Variants in SGSM1 observed in about 807,000 individuals in gnomAD.
The protein encoded by SGSM1 is small G protein signaling modulator 1.
In SGSM1, 73 loss-of-function variants were observed where a neutral mutation model predicts 133.8. That is an observed-to-expected ratio of 0.55 (90% CI 0.45 to 0.66). The LOEUF (loss-of-function observed/expected upper bound fraction) is 0.66, where lower values mean the gene tolerates loss of function less well. SGSM1 is among the 30% of genes least tolerant of loss of function. SGSM1 has a pLI of 0.00. For missense variants in SGSM1, 1,213 were observed against 1,448.1 expected (o/e 0.84, Z 2.64); for synonymous variants, 563 against 573.0 (o/e 0.98, Z 0.25).
At chr22:24,906,856 C>A (rs1345777411) in intron 21 of SGSM1, among the ~76,000 whole-genome samples, 2 of 152,126 alleles carry the variant, frequency 1.3e-5, no homozygotes, top group Non-Finnish European at 2.9e-5. Flanking sequence ...GAGGCTGAGG[C>A]AGGAGAATTG....
At chr22:24,864,962 A>G (rs1206562448) in intron 9 of SGSM1, among the ~76,000 whole-genome samples, 1 of 152,232 alleles carries the variant, frequency 6.6e-6, no homozygotes, top group Non-Finnish European at 1.5e-5. Flanking sequence ...ATGGGAATGT[A>G]GTCAGGGAAC....
In SGSM1 at chr22:24,847,676, C is replaced by T. The variant is rs780773163; in HGVS notation, c.182C>T (p.Ala61Val). The T allele has an allele frequency of 2.6e-5, 42 of 1,613,612 alleles. No homozygotes were observed. Among genetic ancestry groups the T allele is most frequent in the Middle Eastern group, 1.7e-4 (1 of 6,050 alleles). The change falls in exon 4 of 25, where the codon GCG becomes GTG. Residue 61 changes from alanine to valine, a missense_variant. By Grantham distance (64) the Ala-to-Val change is moderately conservative. Transcript: ENST00000400358. ...GTTCTGCACGGGCTTCGGCGGCGGGCGGCTGGCTTCCTACGCAGCAATAAG... is the reference window on the plus strand; with the variant it reads ...GTTCTGCACGGGCTTCGGCGGCGGGTGGCTGGCTTCCTACGCAGCAATAAG... ...ACVLHGLRRR[A>V]AGFLRSNKIA...
intron 4 of SGSM1, among the ~76,000 whole-genome samples, chr22:24,849,363 G>A (rs1930325548): frequency 6.6e-6 from 1 of 152,094 alleles, no homozygotes; most frequent in South Asian, 2.1e-4. Context: ...AGACCAGCCT[G>A]ACCAACATGG....
chr22:24,854,840 C>T (rs1024497637), intron 5 of SGSM1, among the ~76,000 whole-genome samples, 156 bp from the exon 6 acceptor site: 5 of 151,922 alleles, frequency 3.3e-5, no homozygotes, highest in Admixed American at 3.3e-4. Context: ...CTTTTTTCAG[C>T]CCTATGAGCT....
At chr22:24,837,918 C>G (rs1929562601) in intron 2 of SGSM1, among the ~76,000 whole-genome samples, 1 of 152,192 alleles carries the variant, frequency 6.6e-6, no homozygotes, top group Admixed American at 6.5e-5. Context: ...TATCTAAGAT[C>G]TATATCTGGT....
At chr22:24,823,991 G>A (rs1928648733) in intron 2 of SGSM1, among the ~76,000 whole-genome samples, 1 of 152,232 alleles carries the variant, frequency 6.6e-6, no homozygotes, top group Non-Finnish European at 1.5e-5. Flanking sequence ...GGAAAGCTGA[G>A]GTTCAGAGAA....
At chr22:24,824,598 C>T (rs1055724601) in intron 2 of SGSM1, among the ~76,000 whole-genome samples, 3 of 91,026 alleles carry the variant, frequency 3.3e-5, no homozygotes, top group African/African-American at 1.2e-4. Flanking sequence ...CTGTTTCTCC[C>T]TGATACAATG....
chr22:24,827,524 C>T (rs1178097082), intron 2 of SGSM1, among the ~76,000 whole-genome samples: 2 of 152,002 alleles, frequency 1.3e-5, no homozygotes, highest in Non-Finnish European at 2.9e-5. Context: ...TCCTGACTAG[C>T]CAGCAGGTGG....
chr22:24,858,326 A>C (rs1329164145), intron 8 of SGSM1, among the ~76,000 whole-genome samples: 1 of 152,140 alleles, frequency 6.6e-6, no homozygotes, highest in African/African-American at 2.4e-5. Context: ...CTTTGCAAGA[A>C]AATCTTGGCC....
intron 22 of SGSM1, among the ~76,000 whole-genome samples, chr22:24,913,154 A>G (rs984551528): frequency 6.6e-6 from 1 of 151,922 alleles, no homozygotes; most frequent in Non-Finnish European, 1.5e-5. Context: ...TTAGCAGGGC[A>G]TGGAGGCAGG....
At chr22:24,860,922 AATATATATATAT>A (rs1555926665) in intron 9 of SGSM1, among the ~76,000 whole-genome samples, 1 of 37,610 alleles carries the variant, frequency 2.7e-5, no homozygotes, top group South Asian at 1.2e-3. Context: ...AAAAAAAAAA[AATATATATATAT>A]ATATATATAT....
rs779950029 is a variant in SGSM1, at chr22:24,924,179, C to G, written c.3194-7C>G. ...GGCTCATGAGATTTTTCTTTCTGCT[C>G]TTTCAGAAATGGCTGAGCGACACAA... On this transcript the variant is annotated splice_region_variant and splice_polypyrimidine_tract_variant and intron_variant, in intron 24 of 24. Transcript: ENST00000400358. The G allele has an allele frequency of 4.2e-5, 68 of 1,613,688 alleles. No homozygotes were observed. Among genetic ancestry groups the G allele is most frequent in the Non-Finnish European group, 5.8e-5 (68 of 1,179,820 alleles).
Position 24,858,668 on chromosome 22 carries a change from A to G in SGSM1, c.802-1048A>G, listed in dbSNP as rs139010097. Among the ~76,000 whole-genome samples the G allele has an allele frequency of 3.2e-3, 489 of 151,194 alleles. 2 individuals carry two copies. The highest frequency in any genetic ancestry group is 0.011 in the African/African-American group (462 of 41,148). On this transcript the variant is annotated intron_variant, in intron 8 of 24. Transcript: ENST00000400358. ...AAAAAAAAAAAAAAGAAGAAAGACA[A>G]TCTGGACTTGTGGGCTTCCCTGCAG...
chr22:24,839,649 T>G (rs188553576), intron 2 of SGSM1, among the ~76,000 whole-genome samples: 1 of 152,370 alleles, frequency 6.6e-6, no homozygotes, highest in East Asian at 1.9e-4. Context: ...AACTTACTGA[T>G]AGCATCTCCC....
intron 22 of SGSM1, among the ~76,000 whole-genome samples, chr22:24,913,108 G>A (rs534035496): frequency 6.6e-5 from 10 of 151,802 alleles, no homozygotes; most frequent in Non-Finnish European, 1.5e-4. Context: ...TTACTAACAC[G>A]GTGAAACCCC....
At chr22:24,856,375 A>G (rs958357737) in intron 8 of SGSM1, among the ~76,000 whole-genome samples, 1 of 152,004 alleles carries the variant, frequency 6.6e-6, no homozygotes, top group African/African-American at 2.4e-5. Context: ...GTACAGGTGA[A>G]GGCGCCAAGA....
intron 3 of SGSM1, among the ~76,000 whole-genome samples, chr22:24,847,221 AC>A (rs1331580842): frequency 2.6e-5 from 4 of 152,186 alleles, no homozygotes; most frequent in African/African-American, 7.2e-5. Flanking sequence ...ACTCAAAAAA[AC>A]AAAACAAAAC....
intron 16 of SGSM1, among the ~76,000 whole-genome samples, chr22:24,888,313 T>G (rs73157913): frequency 0.16 from 24,308 of 152,166 alleles, 2,211 homozygotes; most frequent in South Asian, 0.31. Context: ...TCCTAAAAAT[T>G]TTCTAGTTTA....
At chr22:24,874,030 G>C (rs1931895123) in intron 12 of SGSM1, among the ~76,000 whole-genome samples, 2 of 152,222 alleles carry the variant, frequency 1.3e-5, no homozygotes, top group South Asian at 4.2e-4. Flanking sequence ...AGAGGAGAGG[G>C]ACTTCAGTCA....
Sources: gnomAD v4.1 joint callset for allele counts (sites outside exome capture counted in the v4.1 genomes callset) on GRCh38, gnomAD v4.1.1 for gene constraint, MANE v1.5 for transcripts, NCBI Gene and HGNC (gene_info 2026-07-23, HGNC 2026-07-21) for gene names.